The following UGT2A1 variants were observed in gnomAD, a reference collection of about 807,000 sequenced individuals.
UGT2A1 encodes UDP-glucuronosyltransferase 2A1.
UGT2A1 carries 61 observed loss-of-function variants against 45.4 expected under a neutral mutation model. That is an observed-to-expected ratio of 1.34 (90% confidence interval 1.09 to 1.66). The LOEUF is 1.66. UGT2A1 is among the 40% of genes most tolerant of loss of function. The probability of loss-of-function intolerance (pLI) is 0.00; values close to 1 mark genes in which losing one functional copy is unlikely to be tolerated. For missense variants in UGT2A1, 649 were observed against 574.3 expected (o/e 1.13, Z -1.33); for synonymous variants, 229 against 196.2 (o/e 1.17, Z -1.40).
At chr4:69,639,398 T>C (rs1721923018) in intron 2 of UGT2A1, 1 of 1,613,522 alleles carries the variant, frequency 6.2e-7, no homozygotes, top group Non-Finnish European at 8.5e-7. Context: ...CAGGTATCAC[T>C]TCAAAATTCA....
Position 69,589,469 on chromosome 4 carries a change from A to T in UGT2A1, c.1487T>A (p.Leu496Gln). The T allele has an allele frequency of 6.2e-7, 1 of 1,614,176 alleles. No homozygotes were observed. The highest frequency in any genetic ancestry group is 8.5e-7 in the Non-Finnish European group (1 of 1,180,022). ...YHSLDVIGFL[L>Q]VCVTTAIFLV... Reference sequence around the variant, plus strand: ...AAATATAGCCGTTGTCACACAGACCAGCAAGAACCCAATTACATCCAAAGA... The same window carrying T: ...AAATATAGCCGTTGTCACACAGACCTGCAAGAACCCAATTACATCCAAAGA... The change falls in exon 7 of 7, where the codon CTG (leucine) becomes CAG (glutamine). Residue 496 changes from leucine to glutamine, a missense_variant. By Grantham distance (113) the Leu-to-Gln change is moderately radical (BLOSUM62 -2). Coordinates refer to ENST00000286604, the MANE Select transcript of UGT2A1 (RefSeq NM_001252275.3).
chr4:69,607,611 C>T (rs1392923607), intron 3 of UGT2A1, among the ~76,000 whole-genome samples: 3 of 152,076 alleles, frequency 2.0e-5, no homozygotes, highest in Non-Finnish European at 4.4e-5. Flanking sequence ...GGAAAAGAAA[C>T]TACCATCAGA....
chr4:69,651,429 A>G (rs935573710), intron 1 of UGT2A1, among the ~76,000 whole-genome samples: 2 of 152,228 alleles, frequency 1.3e-5, no homozygotes, highest in African/African-American at 4.8e-5. Flanking sequence ...TAAACTGTGT[A>G]ATATGATTAC....
intron 3 of UGT2A1, 27 bp from the exon 4 acceptor site, chr4:69,599,421 G>C: frequency 6.2e-7 from 1 of 1,608,684 alleles, no homozygotes; most frequent in Non-Finnish European, 8.5e-7. Flanking sequence ...AAGTTGGATG[G>C]AGGAAATTAG....
At chr4:69,639,144 T>C (rs746679021) in intron 2 of UGT2A1, 1 of 1,613,678 alleles carries the variant, frequency 6.2e-7, no homozygotes, top group East Asian at 2.2e-5. Flanking sequence ...AGCAACAAGA[T>C]CACCACAGAT....
At chr4:69,615,442 C>T (rs536290436) in intron 3 of UGT2A1, among the ~76,000 whole-genome samples, 1 of 152,004 alleles carries the variant, frequency 6.6e-6, no homozygotes, top group African/African-American at 2.4e-5. Flanking sequence ...AAACAGTCTA[C>T]AAAATGGGAG....
At chr4:69,600,734 CA>C (rs1719233909) in intron 3 of UGT2A1, among the ~76,000 whole-genome samples, 1 of 151,614 alleles carries the variant, frequency 6.6e-6, no homozygotes, top group African/African-American at 2.4e-5. Flanking sequence ...TGGCAGAAGG[CA>C]ACAGAGCAGC....
Position 69,602,036 on chromosome 4 carries a change from C to CA in UGT2A1, c.848-2643dup, listed in dbSNP as rs1332647614. ...AATCAAATTAAAAGTCAATCATACT[C>CA]AAAAATAGATGCTGTTACAGTTAAA... On this transcript the variant is annotated intron_variant, in intron 3 of 6. Transcript: ENST00000286604. Among the ~76,000 whole-genome samples the CA allele has an allele frequency of 1.5e-5, 2 of 135,870 alleles. 1 individual carries two copies. The highest frequency in any genetic ancestry group is 3.1e-5 in the Non-Finnish European group (2 of 64,042). The allele number at this position is 135,870 out of a possible 152,430, so 89.1% of individuals were successfully genotyped here.
At chr4:69,589,687 T>C (rs1718480945) in intron 6 of UGT2A1, 36 bp from the exon 7 acceptor site, 5 of 1,564,408 alleles carry the variant, frequency 3.2e-6, no homozygotes, top group Non-Finnish European at 4.3e-6. Flanking sequence ...ATTAGACAAT[T>C]TTTGTTTTTA....
Position 69,609,658 on chromosome 4 carries a change from C to G in UGT2A1, c.848-10264G>C, listed in dbSNP as rs184964769. ...GTCTCTGAGATGAGATTATTTATACCTATACATATTTCTATACCTATACCC... is the reference window on the plus strand; with the variant it reads ...GTCTCTGAGATGAGATTATTTATACGTATACATATTTCTATACCTATACCC... On this transcript the variant is annotated intron_variant, in intron 3 of 6. Coordinates refer to ENST00000286604, the MANE Select transcript of UGT2A1 (RefSeq NM_001252275.3). Among the ~76,000 whole-genome samples the G allele has an allele frequency of 4.7e-4, 71 of 150,362 alleles. 1 individual carries two copies. Among genetic ancestry groups the G allele is most frequent in the African/African-American group, 1.7e-3 (69 of 40,584 alleles).
chr4:69,644,288 C>T (rs534753377), intron 2 of UGT2A1, among the ~76,000 whole-genome samples: 31 of 151,716 alleles, frequency 2.0e-4, no homozygotes, highest in African/African-American at 7.5e-4. Context: ...GTAAAGTAAA[C>T]TAGTGGATAA....
At chr4:69,626,452 T>G (rs1377273204) in intron 3 of UGT2A1, among the ~76,000 whole-genome samples, 2 of 151,708 alleles carry the variant, frequency 1.3e-5, no homozygotes, top group African/African-American at 4.8e-5. Flanking sequence ...TTTTATGACC[T>G]GTTTCAGTAT....
chr4:69,599,647 A>C (rs1337149953), intron 3 of UGT2A1: 1 of 373,690 alleles, frequency 2.7e-6, no homozygotes, highest in African/African-American at 2.1e-5. Context: ...GAGAGAGAGG[A>C]AAGCAAGGAA....
intron 1 of UGT2A1, among the ~76,000 whole-genome samples, chr4:69,648,976 A>T (rs1475291443): frequency 6.6e-6 from 1 of 152,096 alleles, no homozygotes; most frequent in Non-Finnish European, 1.5e-5. Flanking sequence ...GCCTGCCAAA[A>T]GCATGCTAAC....
intron 3 of UGT2A1, among the ~76,000 whole-genome samples, chr4:69,631,090 A>T (rs1721358076): frequency 6.6e-6 from 1 of 152,098 alleles, no homozygotes; most frequent in Non-Finnish European, 1.5e-5. Flanking sequence ...TCATTTGAAA[A>T]AGAGAATCAG....
At position 69,647,462 on chromosome 4, in the gene UGT2A1, G is replaced by A. The variant is rs1490794337; in HGVS notation, c.183C>T (p.Ile61=). ...TVLVASGALF[I]TPTSNPSLTF... ...TCAGAGATGGGTTAGAGGTTGGTGT[G>A]ATGAAAAGTGCACCAGAGGCAACTA... Residue 61 remains isoleucine, a synonymous_variant, in exon 2 of 7, where the codon ATC becomes ATT. Coordinates refer to ENST00000286604, the MANE Select transcript of UGT2A1 (RefSeq NM_001252275.3). 2.5e-6 allele frequency: 4 copies of A among 1,612,890 alleles called. No homozygotes were observed. The highest frequency in any genetic ancestry group is 3.3e-4 in the Middle Eastern group (2 of 6,068).
At chr4:69,628,290 A>AG (rs1057015075) in intron 3 of UGT2A1, among the ~76,000 whole-genome samples, 2 of 151,784 alleles carry the variant, frequency 1.3e-5, no homozygotes, top group African/African-American at 4.8e-5. Flanking sequence ...CCACAAAAAA[A>AG]CAAATATTCA....
chr4:69,622,027 G>A (rs1419395846), intron 3 of UGT2A1, among the ~76,000 whole-genome samples: 8 of 151,760 alleles, frequency 5.3e-5, no homozygotes, highest in Non-Finnish European at 2.9e-5. Flanking sequence ...GTGGAAGGAG[G>A]AAGAGGAAGA....
intron 1 of UGT2A1, among the ~76,000 whole-genome samples, chr4:69,652,090 C>T (rs1242990156): frequency 2.0e-5 from 3 of 152,048 alleles, no homozygotes; most frequent in East Asian, 1.9e-4. Context: ...TGCCTGATGC[C>T]CCCCAGTCAA....
Sources: gnomAD v4.1 joint callset for allele counts (sites outside exome capture counted in the v4.1 genomes callset) on GRCh38, gnomAD v4.1.1 for gene constraint, MANE v1.5 for transcripts, NCBI Gene and HGNC (gene_info 2026-07-23, HGNC 2026-07-21) for gene names.